C1orf21: variants seen among roughly 807,000 people sequenced by gnomAD.
C1orf21 encodes the protein chromosome 1 open reading frame 21, also known as uncharacterized protein C1orf21.
A neutral mutation model predicts 18.7 loss-of-function variants in C1orf21; 3 were observed. That is an observed-to-expected ratio of 0.16 (90% confidence interval 0.07 to 0.42). The LOEUF is 0.42. Ranked by LOEUF, C1orf21 falls within the 10% of genes least tolerant of loss-of-function variation. The pLI is 0.99. For synonymous variants in C1orf21, 41 were observed against 46.4 expected (o/e 0.88, Z 0.47); for missense variants, 104 against 143.6 (o/e 0.72, Z 1.41).
intron 2 of C1orf21, among the ~76,000 whole-genome samples, chr1:184,490,541 C>T (rs1394868648): frequency 6.6e-6 from 1 of 152,096 alleles, no homozygotes; most frequent in Non-Finnish European, 1.5e-5. Context: ...CTTTAACCAA[C>T]TGGTGGAGAC....
At chr1:184,618,162 G>A (rs1208846454) in intron 5 of C1orf21, among the ~76,000 whole-genome samples, 3 of 152,094 alleles carry the variant, frequency 2.0e-5, no homozygotes, top group South Asian at 2.1e-4. Context: ...CACCTGCCTC[G>A]GCCTCCCAAA....
chr1:184,508,767 A>G (rs1241017123), intron 3 of C1orf21, among the ~76,000 whole-genome samples: 1 of 152,226 alleles, frequency 6.6e-6, no homozygotes, highest in Admixed American at 6.5e-5. Context: ...GTTTTGCTTC[A>G]TAAATGGGAT....
At chr1:184,405,300 A>G (rs1009956600) in intron 1 of C1orf21, among the ~76,000 whole-genome samples, 8 of 151,940 alleles carry the variant, frequency 5.3e-5, no homozygotes, top group African/African-American at 1.7e-4. Context: ...GGCTCTATCA[A>G]TCCTCCCACT....
chr1:184,580,052 A>G (rs1659255241), intron 3 of C1orf21, among the ~76,000 whole-genome samples: 1 of 152,154 alleles, frequency 6.6e-6, no homozygotes, highest in Non-Finnish European at 1.5e-5. Flanking sequence ...TAACTTTCTC[A>G]AAACACTCTC....
chr1:184,532,910 T>A (rs571693665), intron 3 of C1orf21, among the ~76,000 whole-genome samples: 2 of 152,314 alleles, frequency 1.3e-5, no homozygotes, highest in African/African-American at 4.8e-5. Flanking sequence ...GGCGTCTTCA[T>A]CCATATATTG....
At chr1:184,581,588 A>G (rs945259023) in intron 3 of C1orf21, among the ~76,000 whole-genome samples, 2 of 152,172 alleles carry the variant, frequency 1.3e-5, no homozygotes, top group African/African-American at 2.4e-5. Context: ...AAAAACTTGG[A>G]GATATATTAT....
chr1:184,623,298 GTTCT>G lies in C1orf21; in HGVS notation c.*3745_*3748del, dbSNP rs1659953194. The G allele has an allele frequency of 6.6e-6, 1 of 152,166 alleles. No individual in the cohort carries two copies. The highest frequency in any genetic ancestry group is 2.4e-5 in the African/African-American group (1 of 41,440). 9.4% of individuals were successfully genotyped at this position (152,166 alleles called of 1,614,324 possible). On this transcript the variant is annotated 3_prime_UTR_variant, in exon 6 of 6. Transcript: ENST00000235307. The stretch of plus-strand genomic sequence containing the variant: ...ATCTTAGACTTCGGGACTCTGACAC[GTTCT>G]TTATGAAAGGCAAAATAATTGGTAT...
intron 1 of C1orf21, among the ~76,000 whole-genome samples, chr1:184,432,689 A>C (rs1656785118): frequency 6.6e-6 from 1 of 152,170 alleles, no homozygotes; most frequent in African/African-American, 2.4e-5. Flanking sequence ...AGAAAAAAAA[A>C]TCTGGTGCCT....
At chr1:184,475,384 T>C (rs1657554154) in intron 1 of C1orf21, among the ~76,000 whole-genome samples, 1 of 151,622 alleles carries the variant, frequency 6.6e-6, no homozygotes. Flanking sequence ...CACACACAAA[T>C]AGGCCATGCT....
intron 1 of C1orf21, among the ~76,000 whole-genome samples, chr1:184,434,750 C>T (rs1310501100): frequency 3.9e-5 from 6 of 152,150 alleles, no homozygotes; most frequent in South Asian, 2.1e-4. Context: ...TTCCTAGAAA[C>T]GAACTGGCCA....
chr1:184,449,288 C>T lies in C1orf21; in HGVS notation c.-124-28098C>T, dbSNP rs1271805549. Among the ~76,000 whole-genome samples the T allele has an allele frequency of 4.7e-5, 7 of 149,482 alleles. No homozygotes were observed. The Admixed American group carries it at 4.8e-4, about 10-fold the overall frequency. On this transcript the variant is annotated intron_variant, in intron 1 of 5. Transcript: ENST00000235307. ...TTGTTCAGTTCCCACCTATGAGTGACAACATGGGATGTTTGGCTTTTTGTC... is the reference window on the plus strand; with the variant it reads ...TTGTTCAGTTCCCACCTATGAGTGATAACATGGGATGTTTGGCTTTTTGTC...
intron 1 of C1orf21, among the ~76,000 whole-genome samples, chr1:184,406,369 G>A (rs6696161): frequency 0.15 from 22,896 of 152,072 alleles, 1,769 homozygotes; most frequent in African/African-American, 0.17. Flanking sequence ...TTAGACTGAG[G>A]GTGAGGGAGT....
intron 1 of C1orf21, among the ~76,000 whole-genome samples, chr1:184,416,966 G>C (rs952925132): frequency 6.6e-6 from 1 of 152,070 alleles, no homozygotes; most frequent in African/African-American, 2.4e-5. Flanking sequence ...GCCAATGAAG[G>C]GTCTGAGAAA....
intron 1 of C1orf21, among the ~76,000 whole-genome samples, chr1:184,449,800 A>C (rs1198383693): frequency 6.6e-6 from 1 of 152,222 alleles, no homozygotes; most frequent in Non-Finnish European, 1.5e-5. Context: ...TGGATTAGCA[A>C]CTGTGAGTTT....
chr1:184,548,937 A>G (rs1164218830), intron 3 of C1orf21, among the ~76,000 whole-genome samples: 1 of 152,204 alleles, frequency 6.6e-6, no homozygotes, highest in African/African-American at 2.4e-5. Context: ...TATTTAATAC[A>G]TTAATAAAGA....
intron 3 of C1orf21, among the ~76,000 whole-genome samples, chr1:184,515,756 AT>A (rs937475776): frequency 2.0e-5 from 3 of 152,064 alleles, no homozygotes; most frequent in African/African-American, 7.2e-5. Context: ...TTGATGATGG[AT>A]TTTTTTATTT....
chr1:184,427,388 G>A (rs1238735893), intron 1 of C1orf21, among the ~76,000 whole-genome samples: 1 of 152,140 alleles, frequency 6.6e-6, no homozygotes, highest in East Asian at 1.9e-4. Context: ...GAGCCCTAAA[G>A]ATTTCTCAGA....
intron 1 of C1orf21, among the ~76,000 whole-genome samples, chr1:184,444,237 A>G (rs1326542868): frequency 6.6e-6 from 1 of 152,150 alleles, no homozygotes; most frequent in Non-Finnish European, 1.5e-5. Flanking sequence ...AGTGATTCTC[A>G]AAATGAACTG....
At chr1:184,596,086 G>T (rs900100042) in intron 4 of C1orf21, among the ~76,000 whole-genome samples, 2 of 152,112 alleles carry the variant, frequency 1.3e-5, no homozygotes, top group Non-Finnish European at 2.9e-5. Flanking sequence ...ATTCTTGATC[G>T]CAGAGGTTGC....
Sources: allele counts gnomAD v4.1 joint callset (sites outside exome capture counted in the v4.1 genomes callset), GRCh38; gene constraint gnomAD v4.1.1; transcripts MANE v1.5; gene names NCBI Gene and HGNC (gene_info 2026-07-23, HGNC 2026-07-21).